RPA3: variants seen among roughly 807,000 people sequenced by gnomAD.
RPA3 encodes the protein replication protein A 14 kDa subunit.
In RPA3, 24 loss-of-function variants were observed where a neutral mutation model predicts 13.7. That is an observed-to-expected ratio of 1.75 (90% CI 1.27 to 2.46). RPA3 has a LOEUF of 2.46. Among genes scored for constraint, RPA3 ranks in the 30% most tolerant of loss-of-function variants. RPA3 has a pLI of 0.00. For missense variants in RPA3, 183 were observed against 151.0 expected, an observed-to-expected ratio of 1.21 and a Z score of -1.11; for synonymous variants, 59 against 51.2, an observed-to-expected ratio of 1.15 and a Z score of -0.65.
intron 4 of RPA3, among the ~76,000 whole-genome samples, chr7:7,658,843 T>A (rs1276103852): frequency 2.0e-5 from 3 of 152,170 alleles, no homozygotes; most frequent in African/African-American, 7.2e-5. Context: ...GAGGAGCCCC[T>A]TTTTTTCTAT....
chr7:7,715,442 T>C (rs1780877494), intron 1 of RPA3, among the ~76,000 whole-genome samples: 1 of 152,194 alleles, frequency 6.6e-6, no homozygotes, highest in Non-Finnish European at 1.5e-5. Flanking sequence ...ATAAGTAACT[T>C]AGGGAAGTGC....
intron 4 of RPA3, among the ~76,000 whole-genome samples, chr7:7,647,099 T>G (rs559706326): frequency 6.6e-6 from 1 of 152,262 alleles, no homozygotes; most frequent in Non-Finnish European, 1.5e-5. Flanking sequence ...ATCTATTGAG[T>G]GTTTGGTAGT....
chr7:7,651,239 A>G (rs1177927573), intron 4 of RPA3, among the ~76,000 whole-genome samples: 4 of 152,256 alleles, frequency 2.6e-5, no homozygotes, highest in African/African-American at 9.6e-5. Context: ...CTACAAATCC[A>G]CAAAAGTATA....
At chr7:7,638,172 C>G in intron 6 of RPA3, 200 bp from the exon 7 acceptor site, 1 of 461,926 alleles carries the variant, frequency 2.2e-6, no homozygotes, top group Non-Finnish European at 3.9e-6. Flanking sequence ...TTCCTGCTAC[C>G]TTTAGCAGTA....
At chr7:7,680,529 T>C (rs1029651711) in intron 4 of RPA3, among the ~76,000 whole-genome samples, 1 of 152,168 alleles carries the variant, frequency 6.6e-6, no homozygotes, top group African/African-American at 2.4e-5. Flanking sequence ...CTGGGTCTTT[T>C]GTGATTCTAT....
intron 4 of RPA3, among the ~76,000 whole-genome samples, chr7:7,662,824 T>G (rs564016458): frequency 6.6e-6 from 1 of 152,330 alleles, no homozygotes; most frequent in South Asian, 2.1e-4. Context: ...GTTAAAATGT[T>G]GTGGTGTTTA....
chr7:7,651,351 T>C (rs777653741), intron 4 of RPA3, among the ~76,000 whole-genome samples: 3 of 152,116 alleles, frequency 2.0e-5, no homozygotes, highest in Non-Finnish European at 2.9e-5. Context: ...TTGGGGTTTA[T>C]AAGGGTACAG....
At chr7:7,660,222 A>G (rs1471879951) in intron 4 of RPA3, among the ~76,000 whole-genome samples, 1 of 152,246 alleles carries the variant, frequency 6.6e-6, no homozygotes, top group East Asian at 1.9e-4. Context: ...TCTCCTGAAT[A>G]CAACATACTG....
At chr7:7,678,803 T>C (rs868348721) in intron 4 of RPA3, among the ~76,000 whole-genome samples, 9 of 28,918 alleles carry the variant, frequency 3.1e-4, no homozygotes, top group Non-Finnish European at 4.4e-4. Context: ...AGTTTATAAA[T>C]ATATTTATAT....
At chr7:7,645,538 G>A (rs928306333) in intron 4 of RPA3, among the ~76,000 whole-genome samples, 8 of 152,146 alleles carry the variant, frequency 5.3e-5, no homozygotes, top group Admixed American at 2.6e-4. Flanking sequence ...AAGTGGACCC[G>A]CATTCAGCTT....
At chr7:7,638,467 T>A (rs1318920586) in intron 6 of RPA3, 2 of 152,836 alleles carry the variant, frequency 1.3e-5, no homozygotes, top group African/African-American at 4.8e-5. Flanking sequence ...GAGGGGCTGG[T>A]CGAGGCAGGA....
chr7:7,694,031 T>C (rs1413853029), intron 2 of RPA3, among the ~76,000 whole-genome samples: 2 of 152,200 alleles, frequency 1.3e-5, no homozygotes, highest in African/African-American at 4.8e-5. Context: ...TGAGTTTTTT[T>C]CAACTGAGTC....
At chr7:7,642,658 AG>A (rs1785001052) in intron 4 of RPA3, among the ~76,000 whole-genome samples, 3 of 152,214 alleles carry the variant, frequency 2.0e-5, no homozygotes, top group Non-Finnish European at 4.4e-5. Context: ...CATGATGTAC[AG>A]AAAAAAGTAT....
At chr7:7,711,513 A>C (rs1040367188) in intron 2 of RPA3, among the ~76,000 whole-genome samples, 1 of 152,190 alleles carries the variant, frequency 6.6e-6, no homozygotes, top group South Asian at 2.1e-4. Flanking sequence ...CCTTTTTAAC[A>C]TGTAATACTG....
intron 4 of RPA3, among the ~76,000 whole-genome samples, chr7:7,672,283 T>C: frequency 6.6e-6 from 1 of 152,236 alleles, no homozygotes; most frequent in South Asian, 2.1e-4. Flanking sequence ...TTCTCCCCAG[T>C]TGTTTTCTAG....
intron 2 of RPA3, among the ~76,000 whole-genome samples, chr7:7,687,664 T>C (rs1780071327): frequency 6.6e-6 from 1 of 152,310 alleles, no homozygotes; most frequent in African/African-American, 2.4e-5. Flanking sequence ...ACTCTGGTTG[T>C]CAGTTAAATT....
intron 2 of RPA3, among the ~76,000 whole-genome samples, chr7:7,708,910 T>G (rs1780677476): frequency 1.3e-5 from 2 of 151,600 alleles, no homozygotes. Context: ...AAGGGGTGTG[T>G]GTTTGTGTTT....
rs998192959 is a variant in RPA3, at chr7:7,645,136, G to GT, written c.-757-3962dup. Among the ~76,000 whole-genome samples, 27 of 151,698 alleles carry GT rather than the reference G, an allele frequency of 1.8e-4. No homozygotes were observed. The Middle Eastern group carries it at 0.01, about 57-fold the overall frequency. On this transcript the variant is annotated intron_variant, in intron 4 of 7. Transcript: ENST00000223129. ...ATGCCATTTTAAGAATTTTCTATCA[G>GT]TTTTTTTTGGAATTTTCTATTCATA...
chr7:7,662,683 C>T (rs1328639428), intron 4 of RPA3, among the ~76,000 whole-genome samples: 1 of 152,144 alleles, frequency 6.6e-6, no homozygotes, highest in African/African-American at 2.4e-5. Context: ...AGCCGGGTAC[C>T]TCAGTTGGAA....
Sources: allele counts gnomAD v4.1 joint callset (sites outside exome capture counted in the v4.1 genomes callset), GRCh38; gene constraint gnomAD v4.1.1; transcripts MANE v1.5; gene names NCBI Gene and HGNC (gene_info 2026-07-23, HGNC 2026-07-21).